Variants in TNRC6B observed in about 807,000 individuals in gnomAD.
TNRC6B encodes the protein trinucleotide repeat-containing gene 6B protein.
Under a neutral mutation model 203.6 loss-of-function variants are expected in TNRC6B, and 52 were observed. That is an observed-to-expected ratio of 0.26 (90% CI 0.20 to 0.32). The LOEUF is 0.32. TNRC6B is among the 10% of genes least tolerant of loss of function. The probability of loss-of-function intolerance (pLI) is 1.00; values close to 1 mark genes in which losing one functional copy is unlikely to be tolerated. For synonymous variants in TNRC6B, 838 were observed against 845.7 expected (o/e 0.99, Z 0.16); for missense variants, 1,923 against 2,286.2 (o/e 0.84, Z 3.24).
At chr22:40,161,999 A>G (rs1281932185) in intron 4 of TNRC6B, among the ~76,000 whole-genome samples, 1 of 152,206 alleles carries the variant, frequency 6.6e-6, no homozygotes, top group African/African-American at 2.4e-5. Flanking sequence ...GTCATTATAG[A>G]TAAAATGCAG....
chr22:40,067,531 A>G (rs2067906027), intron 1 of TNRC6B, among the ~76,000 whole-genome samples: 1 of 152,166 alleles, frequency 6.6e-6, no homozygotes, highest in African/African-American at 2.4e-5. Context: ...TCGGAGAACC[A>G]GAGAAGCTCA....
chr22:40,289,265 G>C (rs1467874504), intron 12 of TNRC6B, among the ~76,000 whole-genome samples: 1 of 152,004 alleles, frequency 6.6e-6, no homozygotes, highest in Non-Finnish European at 1.5e-5. Flanking sequence ...CTGGGCAACA[G>C]AGCAAGACCC....
chr22:40,108,349 C>T (rs1487638638), intron 1 of TNRC6B, among the ~76,000 whole-genome samples: 1 of 152,184 alleles, frequency 6.6e-6, no homozygotes, highest in Non-Finnish European at 1.5e-5. Flanking sequence ...AGATTCACCA[C>T]GGAGGTTAGC....
At chr22:40,322,671 A>G (rs2071349914) in intron 22 of TNRC6B, among the ~76,000 whole-genome samples, 183 bp from the exon 23 acceptor site, 1 of 152,202 alleles carries the variant, frequency 6.6e-6, no homozygotes, top group Non-Finnish European at 1.5e-5. Flanking sequence ...TCTGGTTGAA[A>G]TACAAGTTCT....
At chr22:40,177,319 G>A (rs1442286695), upstream of TNRC6B, among the ~76,000 whole-genome samples, 2 of 152,140 alleles carry the variant, frequency 1.3e-5, no homozygotes, top group Non-Finnish European at 2.9e-5. Flanking sequence ...CACACATACA[G>A]GCAAAACAAT....
At chr22:40,279,804 A>G (rs1468576678) in intron 9 of TNRC6B, among the ~76,000 whole-genome samples, 191 bp from the exon 10 acceptor site, 1 of 152,166 alleles carries the variant, frequency 6.6e-6, no homozygotes, top group African/African-American at 2.4e-5. Flanking sequence ...AATAAAAAGG[A>G]CCCATGTGTG....
rs34564026 is a variant in TNRC6B, at chr22:40,329,854, TC to T, written c.*6616del. 2 of 152,206 alleles carry T rather than the reference TC, an allele frequency of 1.3e-5. No individual in the cohort carries two copies. The highest frequency in any genetic ancestry group is 4.8e-5 in the African/African-American group (2 of 41,456). 9.4% of individuals were successfully genotyped at this position (152,206 alleles called of 1,614,324 possible). A position where few individuals can be genotyped will look rare whatever the true frequency, so the allele number is the denominator to read the frequency against. Reference sequence around the variant, plus strand: ...GTTTGCCTCACCAAATTTAAATCGTTCCCTTTTCAGTTAGCTATATACCTGA... The same window carrying T: ...GTTTGCCTCACCAAATTTAAATCGTTCCTTTTCAGTTAGCTATATACCTGA... On this transcript the variant is annotated 3_prime_UTR_variant, in exon 23 of 23. Coordinates refer to ENST00000454349, the MANE Select transcript of TNRC6B (RefSeq NM_001162501.2).
chr22:40,207,138 A>G (rs556425613), intron 1 of TNRC6B, among the ~76,000 whole-genome samples: 1 of 152,166 alleles, frequency 6.6e-6, no homozygotes, highest in Non-Finnish European at 1.5e-5. Context: ...GGATCAAGTC[A>G]TACACCACAT....
chr22:40,146,089 C>T (rs977135363), intron 3 of TNRC6B, among the ~76,000 whole-genome samples: 1 of 152,148 alleles, frequency 6.6e-6, no homozygotes, highest in African/African-American at 2.4e-5. Flanking sequence ...GAAATAAATG[C>T]TTAGGGAGTA....
chr22:40,215,887 A>G (rs2069628262), intron 1 of TNRC6B, among the ~76,000 whole-genome samples: 1 of 152,212 alleles, frequency 6.6e-6, no homozygotes, highest in Non-Finnish European at 1.5e-5. Flanking sequence ...TCTCCTTCAT[A>G]CATGCTCTGT....
rs2070718151 is a variant in TNRC6B, at chr22:40,281,250, C to T, written c.3543C>T (p.Ile1181=). Residue 1181 remains isoleucine (I), a synonymous_variant, in exon 11 of 23, where the codon ATC becomes ATT. Coordinates refer to ENST00000454349, the MANE Select transcript of TNRC6B (RefSeq NM_001162501.2). The part of the protein sequence containing the change: ...STLPNVSLGA[I]GTGLNPQNFA... ...TACCCAACGTCAGCCTTGGAGCAAT[C>T]GGCACAGGGCTCAACCCCCAAAACT... 5.8e-6 allele frequency: 9 copies of T among 1,549,450 alleles called. No individual in the cohort carries two copies. The highest frequency in any genetic ancestry group is 2.4e-5 in the South Asian group (2 of 83,696).
chr22:40,109,309 T>C (rs1178563013), intron 1 of TNRC6B, among the ~76,000 whole-genome samples: 1 of 152,204 alleles, frequency 6.6e-6, no homozygotes, highest in Non-Finnish European at 1.5e-5. Flanking sequence ...AGTAATGGGA[T>C]TGCTGGGTCA....
In TNRC6B at chr22:40,156,313, T is replaced by A. The variant is rs1375347680; in HGVS notation, c.113+131T>A. 5 of 794,012 alleles carry A rather than the reference T, an allele frequency of 6.3e-6. No individual in the cohort carries two copies. The African/African-American group carries it at 8.6e-5, about 14-fold the overall frequency. The allele number at this position is 794,012 out of a possible 1,614,324, so 49.2% of individuals were successfully genotyped here. A position where few individuals can be genotyped will look rare whatever the true frequency, so the allele number is the denominator to read the frequency against. On this transcript the variant is annotated intron_variant, in intron 4 of 23. Coordinates refer to the TNRC6B transcript ENST00000301923. ...TTGGGGAACTCACCAGTTGCTTTGG[T>A]GGCTGTTAATGCATTGCTTCTATTT...
chr22:40,182,830 T>G (rs2146382663), intron 1 of TNRC6B, among the ~76,000 whole-genome samples: 1 of 152,338 alleles, frequency 6.6e-6, no homozygotes, highest in East Asian at 1.9e-4. Context: ...TTAAACATTG[T>G]CTTTAGCTCT....
At chr22:40,075,292 T>C (rs1033777064) in intron 1 of TNRC6B, among the ~76,000 whole-genome samples, 1 of 151,142 alleles carries the variant, frequency 6.6e-6, no homozygotes, top group African/African-American at 2.4e-5. Flanking sequence ...CATTTTTGCT[T>C]CATGCATCTT....
At chr22:40,211,926 C>T (rs1457117287) in intron 1 of TNRC6B, among the ~76,000 whole-genome samples, 1 of 152,190 alleles carries the variant, frequency 6.6e-6, no homozygotes, top group Non-Finnish European at 1.5e-5. Context: ...CCTAACTCCT[C>T]TTTCCTTTCG....
Position 40,333,790 on chromosome 22 carries a change from C to G in TNRC6B, c.*10549C>G, listed in dbSNP as rs1186359177. 2 of 152,638 alleles carry G rather than the reference C, an allele frequency of 1.3e-5. No homozygotes were observed. Among genetic ancestry groups the G allele is most frequent in the East Asian group, 3.9e-4 (2 of 5,194 alleles). The allele number at this position is 152,638 out of a possible 1,614,324, so 9.5% of individuals were successfully genotyped here. A position where few individuals can be genotyped will look rare whatever the true frequency, so the allele number is the denominator to read the frequency against. On this transcript the variant is annotated 3_prime_UTR_variant, in exon 23 of 23. Transcript: ENST00000454349. ...ATTAAGTAGAGGGAAATGCTTTTAA[C>G]AAATGCTGCTCATGTGGATCTGTCA...
intron 3 of TNRC6B, among the ~76,000 whole-genome samples, chr22:40,143,333 TAAGGTGGA>T (rs1401189973): frequency 5.9e-5 from 9 of 152,026 alleles, no homozygotes; most frequent in Non-Finnish European, 1.2e-4. Context: ...CCCAGGAGGC[TAAGGTGGA>T]AGGATCACTT....
chr22:40,229,319 A>G (rs1192275612), intron 1 of TNRC6B, among the ~76,000 whole-genome samples: 5 of 152,156 alleles, frequency 3.3e-5, no homozygotes, highest in African/African-American at 1.2e-4. Context: ...CAGATTTGTG[A>G]TCTTAGGGAA....
Sources: allele counts gnomAD v4.1 joint callset (sites outside exome capture counted in the v4.1 genomes callset), GRCh38; gene constraint gnomAD v4.1.1; transcripts MANE v1.5; gene names NCBI Gene and HGNC (gene_info 2026-07-23, HGNC 2026-07-21).